LRPPRC: variants seen among roughly 807,000 people sequenced by gnomAD.
LRPPRC encodes leucine rich pentatricopeptide repeat containing.
A neutral mutation model predicts 180.3 loss-of-function variants in LRPPRC; 120 were observed. The ratio of observed to expected loss-of-function variants is 0.67; its 90% CI spans 0.57 to 0.77. The LOEUF (loss-of-function observed/expected upper bound fraction) is 0.77. Ranked by LOEUF, LRPPRC falls within the 30% of genes least tolerant of loss-of-function variation. The probability of loss-of-function intolerance (pLI) is 0.00; values close to 1 mark genes in which losing one functional copy is unlikely to be tolerated. For synonymous variants in LRPPRC, 723 were observed against 600.0 expected (o/e 1.21, Z -3.00); for missense variants, 2,012 against 1,657.2 (o/e 1.21, Z -3.72).
chr2:43,931,963 A>T (rs1672104853), intron 25 of LRPPRC, among the ~76,000 whole-genome samples: 1 of 151,834 alleles, frequency 6.6e-6, no homozygotes, highest in Non-Finnish European at 1.5e-5. Flanking sequence ...TTAAAAAGAG[A>T]ATCTACAGAA....
intron 23 of LRPPRC, among the ~76,000 whole-genome samples, chr2:43,941,581 G>C (rs1672482385): frequency 6.6e-6 from 1 of 152,106 alleles, no homozygotes; most frequent in Non-Finnish European, 1.5e-5. Context: ...CCTAGCACTT[G>C]TCATGATTCT....
At chr2:43,971,221 A>C (rs1673790530) in intron 11 of LRPPRC, among the ~76,000 whole-genome samples, 1 of 152,082 alleles carries the variant, frequency 6.6e-6, no homozygotes, top group East Asian at 1.9e-4. Flanking sequence ...ATGTTTTCTA[A>C]ATATGCCCAG....
At position 43,912,458 on chromosome 2, in the gene LRPPRC, A is replaced by G. The variant is rs745437035; in HGVS notation, c.3249T>C (p.Phe1083=). 3 of 1,608,514 alleles carry G rather than the reference A, an allele frequency of 1.9e-6. No homozygotes were observed. The highest frequency in any genetic ancestry group is 2.6e-6 in the Non-Finnish European group (3 of 1,175,042). ...ATGCTTTCACTTCCATTGCTTGTGT[A>G]AAATAATCTTCTGACATCAGTAATT... ...LIKLLMSEDY[F]TQAMEVKAFA... The change falls in exon 30 of 38, where the codon TTT becomes TTC. Residue 1083 remains phenylalanine (F), a synonymous_variant. Coordinates refer to ENST00000260665, the MANE Select transcript of LRPPRC (RefSeq NM_133259.4).
chr2:43,899,640 C>A (rs1670816507), intron 32 of LRPPRC, 35 bp from the exon 33 acceptor site: 1 of 1,511,726 alleles, frequency 6.6e-7, no homozygotes, highest in South Asian at 1.1e-5. Flanking sequence ...TAAAAATTTG[C>A]TTTTATGTTA....
At chr2:43,993,912 G>A (rs887843826) in intron 1 of LRPPRC, among the ~76,000 whole-genome samples, 2 of 151,996 alleles carry the variant, frequency 1.3e-5, no homozygotes, top group East Asian at 3.9e-4. Flanking sequence ...AAGGGGGAAA[G>A]GCCTTTACAG....
chr2:43,981,354 T>C (rs1489787777), intron 2 of LRPPRC, among the ~76,000 whole-genome samples: 1 of 151,308 alleles, frequency 6.6e-6, no homozygotes, highest in Non-Finnish European at 1.5e-5. Context: ...ACAATTTTTA[T>C]TTTCTGATAT....
intron 11 of LRPPRC, among the ~76,000 whole-genome samples, chr2:43,972,928 G>A (rs1405430681): frequency 1.3e-5 from 2 of 152,082 alleles, no homozygotes; most frequent in Admixed American, 1.3e-4. Flanking sequence ...CTTTTTATGA[G>A]ACTACTCTTT....
chr2:43,917,963 C>T, intron 29 of LRPPRC, 62 bp downstream of exon 29: 2 of 1,183,580 alleles, frequency 1.7e-6, no homozygotes, highest in Non-Finnish European at 2.5e-6. Flanking sequence ...GCTTACACCC[C>T]ACACTGCTAT....
chr2:43,983,321 TTACAGAGACTA>T (rs1455685487), intron 1 of LRPPRC, among the ~76,000 whole-genome samples: 1 of 135,030 alleles, frequency 7.4e-6, no homozygotes, highest in African/African-American at 2.6e-5. Context: ...ACACAATTTT[TTACAGAGACTA>T]GGAAAAAAAA....
intron 11 of LRPPRC, among the ~76,000 whole-genome samples, chr2:43,966,394 T>C (rs565576301): frequency 5.8e-4 from 88 of 150,462 alleles, no homozygotes; most frequent in Non-Finnish European, 9.9e-4. Context: ...AGAGTTGATC[T>C]CAAGTGTTCT....
Position 43,899,511 on chromosome 2 carries a change from A to AT in LRPPRC, c.3663dup (p.Phe1222IlefsTer14). 6.2e-7 allele frequency: 1 copy of AT among 1,614,014 alleles called. No homozygotes were observed. The highest frequency in any genetic ancestry group is 8.5e-7 in the Non-Finnish European group (1 of 1,179,902). The stretch of plus-strand genomic sequence containing the variant: ...AACTGCTCCTCTATTACTTTTCTGA[A>AT]TAAGTATGCCAAGCCGAAGTATTGG... On this transcript the variant is annotated frameshift_variant, in exon 33 of 38. Coordinates refer to ENST00000260665, the MANE Select transcript of LRPPRC (RefSeq NM_133259.4). LOFTEE classifies it high-confidence loss of function.
intron 2 of LRPPRC, among the ~76,000 whole-genome samples, chr2:43,981,018 A>T (rs1305908873): frequency 6.6e-6 from 1 of 152,206 alleles, no homozygotes; most frequent in Non-Finnish European, 1.5e-5. Flanking sequence ...TTTTATATCT[A>T]CACTTCTGAG....
chr2:43,910,701 A>C (rs1671226065), intron 30 of LRPPRC, among the ~76,000 whole-genome samples: 1 of 152,220 alleles, frequency 6.6e-6, no homozygotes, highest in Admixed American at 6.5e-5. Flanking sequence ...TAAAATGTAC[A>C]TTCTCAGGCC....
chr2:43,950,771 C>T (rs573504231), intron 14 of LRPPRC, among the ~76,000 whole-genome samples, 171 bp from the exon 15 acceptor site: 8 of 152,276 alleles, frequency 5.3e-5, no homozygotes, highest in South Asian at 2.1e-4. Context: ...ACTCACCCAC[C>T]TCAAATATTC....
At chr2:43,983,550 T>C (rs1450107592) in intron 1 of LRPPRC, among the ~76,000 whole-genome samples, 2 of 152,162 alleles carry the variant, frequency 1.3e-5, no homozygotes, top group Non-Finnish European at 2.9e-5. Context: ...CATTTAAACA[T>C]CACTTTTAAC....
intron 26 of LRPPRC, 42 bp from the exon 27 acceptor site, chr2:43,925,199 G>A (rs763357681): frequency 5.0e-6 from 5 of 1,002,586 alleles, no homozygotes; most frequent in Non-Finnish European, 8.0e-6. Flanking sequence ...TTGTGTAAAG[G>A]ATGTATTTTA....
chr2:43,893,190 G>C (rs73924083), intron 36 of LRPPRC, among the ~76,000 whole-genome samples: 2,785 of 152,246 alleles, frequency 0.018, 89 homozygotes, highest in African/African-American at 0.064. Flanking sequence ...TTCTTGAGAA[G>C]GAATCTACTC....
chr2:43,888,712 A>ATAACT, intron 37 of LRPPRC, 56 bp from the exon 38 acceptor site: 1 of 944,608 alleles, frequency 1.1e-6, no homozygotes. Flanking sequence ...GTGATGGTAC[A>ATAACT]TAACTTAAAA....
chr2:43,958,155 C>A (rs553232129), intron 13 of LRPPRC, among the ~76,000 whole-genome samples: 1 of 152,296 alleles, frequency 6.6e-6, no homozygotes, highest in East Asian at 1.9e-4. Flanking sequence ...CTTCACATAA[C>A]CCTTGCCAAA....
Sources: allele counts gnomAD v4.1 joint callset (sites outside exome capture counted in the v4.1 genomes callset), GRCh38; gene constraint gnomAD v4.1.1; transcripts MANE v1.5; gene names NCBI Gene and HGNC (gene_info 2026-07-23, HGNC 2026-07-21).